VAPB: variants seen among roughly 807,000 people sequenced by gnomAD.
The protein encoded by VAPB is VAMP associated protein B and C.
Under a neutral mutation model 25.6 loss-of-function variants are expected in VAPB, and 7 were observed. The ratio of observed to expected loss-of-function variants is 0.27; its 90% CI spans 0.16 to 0.51. VAPB has a LOEUF of 0.51. VAPB is among the 20% of genes least tolerant of loss of function. VAPB has a pLI of 0.97. For missense variants in VAPB, 266 were observed against 301.3 expected (o/e 0.88, Z 0.87); for synonymous variants, 112 against 109.2 (o/e 1.03, Z -0.16).
chr20:58,446,607 G>A lies in VAPB; in HGVS notation c.*2372G>A, dbSNP rs572869621. The stretch of plus-strand genomic sequence containing the variant: ...TTTAGAGTTTTGTGTACATCTAGGA[G>A]AAGGTGTTCAGCTTCTCAGAGGATG... On this transcript the variant is annotated 3_prime_UTR_variant, in exon 6 of 6. Coordinates refer to ENST00000475243, the MANE Select transcript of VAPB (RefSeq NM_004738.5). 6 of 454,126 alleles carry A rather than the reference G, an allele frequency of 1.3e-5. No individual in the cohort carries two copies. In the East Asian group the frequency reaches 4.2e-4, roughly 32 times the overall value. The allele number at this position is 454,126 out of a possible 1,614,324, so 28.1% of individuals were successfully genotyped here. A position where few individuals can be genotyped will look rare whatever the true frequency, so the allele number is the denominator to read the frequency against.
intron 1 of VAPB, among the ~76,000 whole-genome samples, chr20:58,413,704 A>G (rs1334937768): frequency 1.3e-5 from 2 of 151,362 alleles, no homozygotes; most frequent in Non-Finnish European, 3.0e-5. Context: ...GGGGCTCCTC[A>G]CTTCCCAGTA....
chr20:58,400,321 T>G (rs1988066568), intron 1 of VAPB, among the ~76,000 whole-genome samples: 1 of 152,192 alleles, frequency 6.6e-6, no homozygotes, highest in Non-Finnish European at 1.5e-5. Flanking sequence ...AGAAGAGAGA[T>G]AGAAAGCCCC....
Position 58,446,261 on chromosome 20 carries a change from G to C in VAPB, c.*2026G>C, listed in dbSNP as rs1031026424. 3.5e-5 allele frequency: 16 copies of C among 453,964 alleles called. No individual in the cohort carries two copies. Among genetic ancestry groups the C allele is most frequent in the Non-Finnish European group, 5.7e-5 (13 of 226,794 alleles). 28.1% of individuals were successfully genotyped at this position (453,964 alleles called of 1,614,324 possible). On this transcript the variant is annotated 3_prime_UTR_variant, in exon 6 of 6. Coordinates refer to ENST00000475243, the MANE Select transcript of VAPB (RefSeq NM_004738.5). Reference sequence around the variant, plus strand: ...GTGAAAAGACCGAGCTGTAAGGCATGTGCCTTCTGCCACCTGACTTTCCGT... The same window carrying C: ...GTGAAAAGACCGAGCTGTAAGGCATCTGCCTTCTGCCACCTGACTTTCCGT...
Position 58,444,651 on chromosome 20 carries a change from G to T in VAPB, c.*416G>T. Reference sequence around the variant, plus strand: ...CCCAGCATGCTGGGGAGTGCGGTCAGCTCCACACAGTAGTCCCCACGTGGC... The same window carrying T: ...CCCAGCATGCTGGGGAGTGCGGTCATCTCCACACAGTAGTCCCCACGTGGC... On this transcript the variant is annotated 3_prime_UTR_variant, in exon 6 of 6. Transcript: ENST00000475243. The T allele has an allele frequency of 2.2e-6, 1 of 454,718 alleles. No homozygotes were observed. 28.2% of individuals were successfully genotyped at this position (454,718 alleles called of 1,614,324 possible). A position where few individuals can be genotyped will look rare whatever the true frequency, so the allele number is the denominator to read the frequency against.
intron 2 of VAPB, among the ~76,000 whole-genome samples, chr20:58,425,434 G>A (rs1988763835): frequency 6.6e-6 from 1 of 152,230 alleles, no homozygotes; most frequent in African/African-American, 2.4e-5. Flanking sequence ...TGTTGGAAGA[G>A]AAGAAGGTGC....
chr20:58,446,763 G>A lies in VAPB; in HGVS notation c.*2528G>A. 1 of 454,110 alleles carries A rather than the reference G, an allele frequency of 2.2e-6. No homozygotes were observed. Among genetic ancestry groups the A allele is most frequent in the Non-Finnish European group, 4.4e-6 (1 of 226,798 alleles). The allele number at this position is 454,110 out of a possible 1,614,324, so 28.1% of individuals were successfully genotyped here. Reference sequence around the variant, plus strand: ...GGAAACTGCTCAGGAAGAGAAACAGGTGACTGATGGGAAGGTTGATTATTT... The same window carrying A: ...GGAAACTGCTCAGGAAGAGAAACAGATGACTGATGGGAAGGTTGATTATTT... On this transcript the variant is annotated 3_prime_UTR_variant, in exon 6 of 6. Coordinates refer to ENST00000475243, the MANE Select transcript of VAPB (RefSeq NM_004738.5).
intron 2 of VAPB, among the ~76,000 whole-genome samples, chr20:58,422,422 G>C (rs543657815): frequency 6.6e-6 from 1 of 152,188 alleles, no homozygotes; most frequent in Admixed American, 6.5e-5. Context: ...TTCCTCCTGA[G>C]ATTTCAAATG....
chr20:58,444,961 A>G lies in VAPB; in HGVS notation c.*726A>G, dbSNP rs560832981. ...AATGCATATTTAACTTATTTAATGTATTTCATCTCATGTTTTCTTATTGTC... is the reference window on the plus strand; with the variant it reads ...AATGCATATTTAACTTATTTAATGTGTTTCATCTCATGTTTTCTTATTGTC... On this transcript the variant is annotated 3_prime_UTR_variant, in exon 6 of 6. Coordinates refer to ENST00000475243, the MANE Select transcript of VAPB (RefSeq NM_004738.5). 452 of 454,492 alleles carry G rather than the reference A, an allele frequency of 9.9e-4. No individual in the cohort carries two copies. Among genetic ancestry groups the G allele is most frequent in the Non-Finnish European group, 1.5e-3 (335 of 226,762 alleles). The allele number at this position is 454,492 out of a possible 1,614,324, so 28.2% of individuals were successfully genotyped here.
intron 2 of VAPB, among the ~76,000 whole-genome samples, chr20:58,422,805 A>G (rs767334582): frequency 2.0e-5 from 3 of 152,202 alleles, no homozygotes; most frequent in Non-Finnish European, 2.9e-5. Context: ...AGTAGCAAGC[A>G]TGCGTCCATT....
In VAPB at chr20:58,389,499, C is replaced by A; in HGVS notation, c.40C>A (p.His14Asn). The A allele has an allele frequency of 1.3e-6, 2 of 1,593,222 alleles. No individual in the cohort carries two copies. The highest frequency in any genetic ancestry group is 1.7e-6 in the Non-Finnish European group (2 of 1,170,884). ...VEQVLSLEPQ[H>N]ELKFRGPFTD... Reference sequence around the variant, plus strand: ...GCAGGTCCTGAGCCTCGAGCCGCAGCACGAGCTCAAATTCCGAGGTAAGCC... The same window carrying A: ...GCAGGTCCTGAGCCTCGAGCCGCAGAACGAGCTCAAATTCCGAGGTAAGCC... The change falls in exon 1 of 6, where the codon CAC becomes AAC. Residue 14 changes from histidine (H) to asparagine (N), a missense_variant. Transcript: ENST00000475243.
intron 1 of VAPB, among the ~76,000 whole-genome samples, chr20:58,417,842 T>C (rs563285616): frequency 6.6e-6 from 1 of 152,200 alleles, no homozygotes; most frequent in Non-Finnish European, 1.5e-5. Context: ...GAACTGGCCT[T>C]AGATGCAAGC....
chr20:58,393,735 TGTTTTG>T (rs1385290378), intron 1 of VAPB, among the ~76,000 whole-genome samples: 1 of 151,712 alleles, frequency 6.6e-6, no homozygotes, highest in African/African-American at 2.4e-5. Context: ...TGTTTTGTTT[TGTTTTG>T]TTTTTTTTGA....
intron 2 of VAPB, among the ~76,000 whole-genome samples, chr20:58,430,627 G>A (rs900806353): frequency 1.3e-5 from 2 of 151,306 alleles, no homozygotes; most frequent in Non-Finnish European, 2.9e-5. Context: ...CCAGGCTGGA[G>A]TGCAGTGGCG....
chr20:58,433,873 T>C (rs2123087575), intron 2 of VAPB, among the ~76,000 whole-genome samples: 1 of 152,256 alleles, frequency 6.6e-6, no homozygotes, highest in South Asian at 2.1e-4. Flanking sequence ...CAAAGTAACA[T>C]ATTTTAAAGC....
intron 1 of VAPB, among the ~76,000 whole-genome samples, chr20:58,412,434 G>A (rs1301144545): frequency 6.6e-6 from 1 of 152,004 alleles, no homozygotes; most frequent in African/African-American, 2.4e-5. Context: ...ACAAAAATTA[G>A]CCAGGTGTGG....
chr20:58,434,465 A>C (rs1988994928), intron 2 of VAPB, 137 bp from the exon 3 acceptor site: 19 of 673,748 alleles, frequency 2.8e-5, no homozygotes, highest in Non-Finnish European at 4.9e-5. Flanking sequence ...ATCCTTGCTT[A>C]CTTCACCAGG....
chr20:58,426,195 CTTGT>C (rs899179966), intron 2 of VAPB, among the ~76,000 whole-genome samples: 1 of 152,108 alleles, frequency 6.6e-6, no homozygotes, highest in African/African-American at 2.4e-5. Flanking sequence ...TGCACCTGGC[CTTGT>C]TTGTTTAGTT....
In VAPB at chr20:58,448,899, G is replaced by C. The variant is rs922921766; in HGVS notation, c.*4664G>C. The C allele has an allele frequency of 2.2e-6, 1 of 454,082 alleles. No individual in the cohort carries two copies. Among genetic ancestry groups the C allele is most frequent in the Non-Finnish European group, 4.4e-6 (1 of 226,790 alleles). 28.1% of individuals were successfully genotyped at this position (454,082 alleles called of 1,614,324 possible). A position where few individuals can be genotyped will look rare whatever the true frequency, so the allele number is the denominator to read the frequency against. On this transcript the variant is annotated 3_prime_UTR_variant, in exon 6 of 6. Coordinates refer to ENST00000475243, the MANE Select transcript of VAPB (RefSeq NM_004738.5). ...CAGTCCGTCTCGGCAAGGAGATGAT[G>C]GGAGCGCTTTATATGGAGGCTTTAC...
At chr20:58,393,536 T>C (rs1195727541) in intron 1 of VAPB, among the ~76,000 whole-genome samples, 8 of 152,126 alleles carry the variant, frequency 5.3e-5, no homozygotes, top group Non-Finnish European at 1.0e-4. Context: ...ATAGCACTCT[T>C]CTTTCATTCC....
Sources: allele counts gnomAD v4.1 joint callset (sites outside exome capture counted in the v4.1 genomes callset), GRCh38; gene constraint gnomAD v4.1.1; transcripts MANE v1.5; gene names NCBI Gene and HGNC (gene_info 2026-07-23, HGNC 2026-07-21).